The following DCUN1D3 variants were observed in gnomAD, a reference collection of about 807,000 sequenced individuals.
DCUN1D3 encodes the protein DCN1-like protein 3.
Under a neutral mutation model 24.8 loss-of-function variants are expected in DCUN1D3, and 6 were observed. That is an observed-to-expected ratio of 0.24 (90% CI 0.13 to 0.48). DCUN1D3 has a LOEUF of 0.48. DCUN1D3 is among the 20% of genes least tolerant of loss of function. The pLI is 0.99. For synonymous variants in DCUN1D3, 120 were observed against 144.9 expected, an observed-to-expected ratio of 0.83 and a Z score of 1.24; for missense variants, 258 against 379.4, an observed-to-expected ratio of 0.68 and a Z score of 2.66.
At chr16:20,877,771 GCAGAACTCAATT>G (rs1372218595) in intron 1 of DCUN1D3, among the ~76,000 whole-genome samples, 3 of 152,166 alleles carry the variant, frequency 2.0e-5, no homozygotes, top group Non-Finnish European at 2.9e-5. Context: ...TCCTAAGAAT[GCAGAACTCAATT>G]CAGTTCTCAA....
intron 1 of DCUN1D3, among the ~76,000 whole-genome samples, chr16:20,876,607 T>C (rs898215569): frequency 2.0e-5 from 3 of 152,152 alleles, no homozygotes; most frequent in Non-Finnish European, 4.4e-5. Context: ...ACTAGGTATA[T>C]GTGCAAAGGA....
At chr16:20,868,343 A>G (rs1351201609) in intron 1 of DCUN1D3, among the ~76,000 whole-genome samples, 1 of 152,234 alleles carries the variant, frequency 6.6e-6, no homozygotes, top group Non-Finnish European at 1.5e-5. Context: ...AGGAAACTAA[A>G]CACAGACAAA....
chr16:20,872,622 C>T (rs1596632936), intron 1 of DCUN1D3, among the ~76,000 whole-genome samples: 2 of 152,206 alleles, frequency 1.3e-5, no homozygotes, highest in East Asian at 3.9e-4. Context: ...CTTTCAACCA[C>T]ATCAGTAACC....
At chr16:20,892,683 A>C (rs1186986640) in intron 1 of DCUN1D3, among the ~76,000 whole-genome samples, 1 of 152,096 alleles carries the variant, frequency 6.6e-6, no homozygotes. Flanking sequence ...AGCATTTTGC[A>C]CTGGTGTTCG....
intron 1 of DCUN1D3, among the ~76,000 whole-genome samples, chr16:20,869,921 A>T (rs1460784381): frequency 6.6e-6 from 1 of 152,132 alleles, no homozygotes; most frequent in Non-Finnish European, 1.5e-5. Context: ...GTGTGCCAGG[A>T]TATTCCCCTA....
chr16:20,862,789 A>C, intron 1 of DCUN1D3, 146 bp from the exon 2 acceptor site: 1 of 724,036 alleles, frequency 1.4e-6, no homozygotes, highest in Non-Finnish European at 2.1e-6. Context: ...CATCCCCTTC[A>C]CAGGCCAGCT....
chr16:20,899,334 T>C (rs1022549955), intron 1 of DCUN1D3, among the ~76,000 whole-genome samples: 1 of 152,210 alleles, frequency 6.6e-6, no homozygotes, highest in Non-Finnish European at 1.5e-5. Context: ...TATGATGCCA[T>C]TCAGGATTCC....
intron 1 of DCUN1D3, among the ~76,000 whole-genome samples, chr16:20,889,481 C>G (rs369259860): frequency 6.7e-4 from 102 of 152,182 alleles, no homozygotes; most frequent in African/African-American, 2.4e-3. Flanking sequence ...TTCAAGAATA[C>G]TGACTATTCT....
At chr16:20,867,472 G>T (rs143320087) in intron 1 of DCUN1D3, among the ~76,000 whole-genome samples, 1 of 152,206 alleles carries the variant, frequency 6.6e-6, no homozygotes, top group Non-Finnish European at 1.5e-5. Context: ...AACGTGTGAC[G>T]TTTTTGTCCA....
intron 1 of DCUN1D3, among the ~76,000 whole-genome samples, chr16:20,869,810 A>C (rs2081779559): frequency 6.6e-6 from 1 of 152,110 alleles, no homozygotes; most frequent in South Asian, 2.1e-4. Flanking sequence ...AGGTAGCCTG[A>C]GGTCACACAG....
chr16:20,863,439 C>T (rs955306311), intron 1 of DCUN1D3, among the ~76,000 whole-genome samples: 2 of 152,182 alleles, frequency 1.3e-5, no homozygotes, highest in African/African-American at 4.8e-5. Context: ...AGCATGTCTC[C>T]ACTTTAAAAG....
At position 20,860,496 on chromosome 16, in the gene DCUN1D3, AATT is replaced by A. The variant is rs1395421074; in HGVS notation, c.432-130_432-128del. The A allele has an allele frequency of 1.0e-6, 1 of 976,822 alleles. No individual in the cohort carries two copies. Among genetic ancestry groups the A allele is most frequent in the African/African-American group, 1.6e-5 (1 of 60,718 alleles). 60.5% of individuals were successfully genotyped at this position (976,822 alleles called of 1,614,324 possible). On this transcript the variant is annotated intron_variant, in intron 2 of 2. Transcript: ENST00000324344. The surrounding 1 kb of genome is among the most constrained non-coding windows in gnomAD (Gnocchi z 4.3). ...AATTTGAATTCTAACTCCTCCAACT[AATT>A]AGTCCTATTTCCTTACTTGTCAAAT... is the stretch of plus-strand genomic sequence containing the variant.
At chr16:20,876,933 G>A (rs2081818681) in intron 1 of DCUN1D3, among the ~76,000 whole-genome samples, 1 of 152,172 alleles carries the variant, frequency 6.6e-6, no homozygotes, top group Non-Finnish European at 1.5e-5. Flanking sequence ...TCTTCTCTAG[G>A]TAGTTACCAG....
intron 1 of DCUN1D3, among the ~76,000 whole-genome samples, chr16:20,894,539 A>G (rs1410373951): frequency 1.3e-5 from 2 of 152,200 alleles, no homozygotes; most frequent in African/African-American, 2.4e-5. Flanking sequence ...GCACAAAAGG[A>G]TCAGGGATGA....
Position 20,860,496 on chromosome 16 carries a change from A to G in DCUN1D3, c.432-127T>C. On this transcript the variant is annotated intron_variant, in intron 2 of 2. Coordinates refer to ENST00000324344, the MANE Select transcript of DCUN1D3 (RefSeq NM_173475.4). The surrounding 1 kb of genome is among the most constrained non-coding windows in gnomAD (Gnocchi z 4.3). ...AATTTGAATTCTAACTCCTCCAACT[A>G]ATTAGTCCTATTTCCTTACTTGTCA... is the stretch of plus-strand genomic sequence containing the variant. 1.0e-6 allele frequency: 1 copy of G among 976,940 alleles called. No individual in the cohort carries two copies. The highest frequency in any genetic ancestry group is 1.5e-6 in the Non-Finnish European group (1 of 679,826). The allele number at this position is 976,940 out of a possible 1,614,324, so 60.5% of individuals were successfully genotyped here.
chr16:20,893,628 C>T (rs150978870), intron 1 of DCUN1D3, among the ~76,000 whole-genome samples: 60 of 152,234 alleles, frequency 3.9e-4, no homozygotes, highest in African/African-American at 1.3e-3. Flanking sequence ...GAAGTAGTAA[C>T]GTGAAACAGA....
chr16:20,880,645 A>C (rs906468810), intron 1 of DCUN1D3, among the ~76,000 whole-genome samples: 1 of 151,396 alleles, frequency 6.6e-6, no homozygotes, highest in Non-Finnish European at 1.5e-5. Context: ...AAAAGAAAAA[A>C]GAAAAGAAAA....
At chr16:20,868,249 T>A (rs1336698252) in intron 1 of DCUN1D3, among the ~76,000 whole-genome samples, 1 of 152,226 alleles carries the variant, frequency 6.6e-6, no homozygotes, top group East Asian at 1.9e-4. Flanking sequence ...GCATTATTAG[T>A]CCTGAATATC....
intron 1 of DCUN1D3, among the ~76,000 whole-genome samples, chr16:20,888,610 A>AT (rs1186496219): frequency 2.0e-5 from 3 of 152,120 alleles, no homozygotes; most frequent in Non-Finnish European, 4.4e-5. Flanking sequence ...GGGCACCACC[A>AT]TGCCTGGCTA....
Sources: allele counts gnomAD v4.1 joint callset (sites outside exome capture counted in the v4.1 genomes callset), GRCh38; gene constraint gnomAD v4.1.1; non-coding constraint Gnocchi (gnomAD v3.1); transcripts MANE v1.5; gene names NCBI Gene and HGNC (gene_info 2026-07-23, HGNC 2026-07-21).